Variants in UBA6 observed in about 807,000 individuals in gnomAD.
The protein encoded by UBA6 is ubiquitin-like modifier-activating enzyme 6.
UBA6 carries 87 observed loss-of-function variants against 148.3 expected under a neutral mutation model. The observed-to-expected ratio is 0.59, with a 90% CI of 0.49 to 0.70. The LOEUF (loss-of-function observed/expected upper bound fraction) is 0.70, where lower values mean the gene tolerates loss of function less well. Ranked by LOEUF, UBA6 falls within the 30% of genes least tolerant of loss-of-function variation. The probability of loss-of-function intolerance (pLI) is 0.00; values close to 1 mark genes in which losing one functional copy is unlikely to be tolerated. For synonymous variants in UBA6, 376 were observed against 401.0 expected (o/e 0.94, Z 0.75); for missense variants, 1,186 against 1,241.2 (o/e 0.96, Z 0.67).
rs1192555171 is a variant in UBA6 at position 67,618,758 on chromosome 4, G to A, written c.*239C>T. The A allele has an allele frequency of 1.6e-5, 6 of 375,026 alleles. No individual in the cohort carries two copies. The highest frequency in any genetic ancestry group is 8.3e-5 in the African/African-American group (4 of 47,952). 23.2% of individuals were successfully genotyped at this position (375,026 alleles called of 1,614,324 possible). ...TTAATACACAAAACTTTTGTAAATA[G>A]CATTCCAGTTCAAAGTTGCTTGTGA... is the stretch of plus-strand genomic sequence containing the variant. On this transcript the variant is annotated 3_prime_UTR_variant, in exon 33 of 33. Transcript: ENST00000322244.
chr4:67,657,585 C>G (rs1478351135), intron 13 of UBA6, among the ~76,000 whole-genome samples: 2 of 151,940 alleles, frequency 1.3e-5, no homozygotes, highest in Non-Finnish European at 2.9e-5. Flanking sequence ...AGAAGAAAAC[C>G]TAGGCAATAC....
At chr4:67,694,542 C>A (rs1188285940) in intron 2 of UBA6, among the ~76,000 whole-genome samples, 8 of 145,382 alleles carry the variant, frequency 5.5e-5, no homozygotes, top group Non-Finnish European at 1.2e-4. Context: ...CAGGCGCCCG[C>A]CACCGCCACC....
chr4:67,670,372 T>G (rs1730114556), intron 8 of UBA6, 98 bp downstream of exon 8: 1 of 1,005,058 alleles, frequency 9.9e-7, no homozygotes, highest in South Asian at 1.6e-5. Flanking sequence ...AAATAAATTT[T>G]GCACACTGCA....
chr4:67,620,612 G>A (rs988869448), intron 32 of UBA6, among the ~76,000 whole-genome samples: 6 of 152,124 alleles, frequency 3.9e-5, no homozygotes, highest in African/African-American at 1.4e-4. Flanking sequence ...GGGCAAAGTA[G>A]GGAAGGAACT....
chr4:67,682,945 T>A (rs924034763), intron 2 of UBA6, among the ~76,000 whole-genome samples: 2 of 152,212 alleles, frequency 1.3e-5, no homozygotes, highest in Non-Finnish European at 2.9e-5. Context: ...CATACATGTT[T>A]AATGCACATT....
At chr4:67,684,872 T>C (rs1039251978) in intron 2 of UBA6, among the ~76,000 whole-genome samples, 4 of 152,240 alleles carry the variant, frequency 2.6e-5, no homozygotes, top group African/African-American at 7.2e-5. Context: ...TTACTTGTAT[T>C]AACTCATTTA....
chr4:67,654,328 C>T (rs567827202), intron 13 of UBA6, among the ~76,000 whole-genome samples: 1 of 152,342 alleles, frequency 6.6e-6, no homozygotes, highest in Admixed American at 6.5e-5. Flanking sequence ...ATCAGACTAA[C>T]AGCGGATCTC....
At chr4:67,653,882 C>T (rs1729618150) in intron 13 of UBA6, among the ~76,000 whole-genome samples, 1 of 152,050 alleles carries the variant, frequency 6.6e-6, no homozygotes, top group Non-Finnish European at 1.5e-5. Context: ...GAGAACTTCA[C>T]GATGCATGCA....
At chr4:67,672,860 C>T (rs1361495625) in intron 7 of UBA6, among the ~76,000 whole-genome samples, 1 of 152,164 alleles carries the variant, frequency 6.6e-6, no homozygotes, top group Admixed American at 6.5e-5. Context: ...CTTCTCTAAC[C>T]TTCTAATCTA....
intron 13 of UBA6, among the ~76,000 whole-genome samples, chr4:67,653,183 A>G (rs967214881): frequency 2.0e-5 from 3 of 152,210 alleles, no homozygotes; most frequent in African/African-American, 4.8e-5. Context: ...TGGTTCTCAT[A>G]GCATGGCGTT....
intron 20 of UBA6, among the ~76,000 whole-genome samples, chr4:67,634,723 C>T (rs354861): frequency 0.24 from 37,104 of 151,918 alleles, 4,672 homozygotes; most frequent in Middle Eastern, 0.31. Flanking sequence ...CTATGTAATG[C>T]CAAACATGAA....
Position 67,613,596 on chromosome 4 carries a change from A to T in UBA6, c.*5401T>A, listed in dbSNP as rs368484467. ...AAGTTGGGAGGATTTGTTTGGCCAG[A>T]TATCAAGAATATATCAGCTACAATG... On this transcript the variant is annotated 3_prime_UTR_variant, in exon 33 of 33. Transcript: ENST00000322244. The T allele has an allele frequency of 6.8e-6, 1 of 146,880 alleles. No individual in the cohort carries two copies. Among genetic ancestry groups the T allele is most frequent in the South Asian group, 2.2e-4 (1 of 4,610 alleles). 9.1% of individuals were successfully genotyped at this position (146,880 alleles called of 1,614,324 possible).
rs1440381888 is a variant in UBA6, at chr4:67,616,863, A to C, written c.*2134T>G. 2 of 152,118 alleles carry C rather than the reference A, an allele frequency of 1.3e-5. No individual in the cohort carries two copies. Among genetic ancestry groups the C allele is most frequent in the Non-Finnish European group, 2.9e-5 (2 of 67,976 alleles). The allele number at this position is 152,118 out of a possible 1,614,324, so 9.4% of individuals were successfully genotyped here. A position where few individuals can be genotyped will look rare whatever the true frequency, so the allele number is the denominator to read the frequency against. On this transcript the variant is annotated 3_prime_UTR_variant, in exon 33 of 33. Transcript: ENST00000322244. ...AAAATACTCATTGAAACTGTACAAA[A>C]ATCAAATCATTAATTTTTGCACCTG... is the stretch of plus-strand genomic sequence containing the variant.
At chr4:67,647,956 G>A (rs574770332) in intron 14 of UBA6, among the ~76,000 whole-genome samples, 2 of 151,034 alleles carry the variant, frequency 1.3e-5, no homozygotes, top group Middle Eastern at 3.4e-3. Flanking sequence ...TGTATTTTTA[G>A]TACAGAAGGG....
At chr4:67,642,846 T>A (rs1424182418) in intron 17 of UBA6, among the ~76,000 whole-genome samples, 1 of 152,064 alleles carries the variant, frequency 6.6e-6, no homozygotes, top group Non-Finnish European at 1.5e-5. Flanking sequence ...TATCTTTATC[T>A]CTGGAAATTC....
At chr4:67,640,420 A>G (rs975751061) in intron 18 of UBA6, among the ~76,000 whole-genome samples, 2 of 152,210 alleles carry the variant, frequency 1.3e-5, no homozygotes, top group Non-Finnish European at 2.9e-5. Flanking sequence ...TAGTTTACTA[A>G]GACTTGCAAT....
intron 2 of UBA6, among the ~76,000 whole-genome samples, chr4:67,692,937 TTTCTTTAATGACATGGACCC>T (rs1295638225): frequency 8.5e-5 from 13 of 152,230 alleles, no homozygotes; most frequent in Non-Finnish European, 1.9e-4. Flanking sequence ...ATTGCATTGA[TTTCTTTAATGACATGGACCC>T]TTCTACAACA....
At chr4:67,647,424 G>A (rs1019440077) in intron 14 of UBA6, among the ~76,000 whole-genome samples, 5 of 152,094 alleles carry the variant, frequency 3.3e-5, no homozygotes, top group African/African-American at 1.2e-4. Context: ...GGTATTACAG[G>A]CATGAGCCAC....
chr4:67,635,995 G>A (rs578041599), intron 19 of UBA6, among the ~76,000 whole-genome samples: 52 of 151,118 alleles, frequency 3.4e-4, no homozygotes, highest in Non-Finnish European at 6.6e-4. Flanking sequence ...CCCCTCTTTG[G>A]CCCAAGATTA....
Sources: allele counts gnomAD v4.1 joint callset (sites outside exome capture counted in the v4.1 genomes callset), GRCh38; gene constraint gnomAD v4.1.1; transcripts MANE v1.5; gene names NCBI Gene and HGNC (gene_info 2026-07-23, HGNC 2026-07-21).